The following ICA1 variants were observed in gnomAD, a reference collection of about 807,000 sequenced individuals.
ICA1 encodes islet cell autoantigen 1, also known as 69 kDa islet cell autoantigen.
A neutral mutation model predicts 71.0 loss-of-function variants in ICA1; 40 were observed. That is an observed-to-expected ratio of 0.56 (90% CI 0.44 to 0.73). ICA1 has a LOEUF of 0.73. Ranked by LOEUF, ICA1 falls within the 30% of genes least tolerant of loss-of-function variation. The pLI is 0.00. For missense variants in ICA1, 578 were observed against 576.5 expected (o/e 1.00, Z -0.03); for synonymous variants, 207 against 209.5 (o/e 0.99, Z 0.10).
At chr7:8,180,286 G>C (rs117281223) in intron 6 of ICA1, among the ~76,000 whole-genome samples, 2,002 of 152,084 alleles carry the variant, frequency 0.013, 30 homozygotes, top group East Asian at 0.071. Flanking sequence ...TATATATATT[G>C]TGATATCTAG....
At chr7:8,224,247 A>T (rs896498144) in intron 4 of ICA1, among the ~76,000 whole-genome samples, 1 of 152,156 alleles carries the variant, frequency 6.6e-6, no homozygotes, top group Non-Finnish European at 1.5e-5. Context: ...CTGAATGACG[A>T]TAGCCTTGGG....
At chr7:8,148,464 A>G (rs964561851) in intron 8 of ICA1, among the ~76,000 whole-genome samples, 22 of 152,138 alleles carry the variant, frequency 1.4e-4, no homozygotes, top group African/African-American at 5.3e-4. Flanking sequence ...TAAATATTAG[A>G]AGTGTTTTGG....
chr7:8,127,045 G>A (rs1162056685), intron 13 of ICA1, among the ~76,000 whole-genome samples: 1 of 151,684 alleles, frequency 6.6e-6, no homozygotes. Context: ...CACAATCTTG[G>A]CTCACTGTAA....
At chr7:8,205,074 C>G (rs576420840) in intron 6 of ICA1, among the ~76,000 whole-genome samples, 2 of 62,430 alleles carry the variant, frequency 3.2e-5, no homozygotes, top group Admixed American at 2.1e-4. Flanking sequence ...AAATGGAAGA[C>G]ATGCAAAAAA....
intron 3 of ICA1, among the ~76,000 whole-genome samples, chr7:8,228,882 C>G (rs970266088): frequency 6.6e-6 from 1 of 152,218 alleles, no homozygotes; most frequent in Admixed American, 6.5e-5. Flanking sequence ...AATTCATCAT[C>G]TCTGTGATCT....
intron 13 of ICA1, among the ~76,000 whole-genome samples, chr7:8,124,408 C>A (rs962848780): frequency 6.6e-6 from 1 of 150,712 alleles, no homozygotes; most frequent in Non-Finnish European, 1.5e-5. Context: ...CATGAGCCAC[C>A]GCGCCCAGCC....
At chr7:8,255,986 G>C (rs1329608660) in intron 1 of ICA1, among the ~76,000 whole-genome samples, 1 of 151,356 alleles carries the variant, frequency 6.6e-6, no homozygotes, top group African/African-American at 2.5e-5. Flanking sequence ...TGTTGCCCAG[G>C]CTGGTCTCAA....
Position 8,143,977 on chromosome 7 carries a change from A to G in ICA1, c.805-5T>C. On this transcript the variant is annotated splice_polypyrimidine_tract_variant and splice_region_variant and intron_variant, in intron 8 of 13. Coordinates refer to ENST00000402384, the MANE Select transcript of ICA1 (RefSeq NM_001136020.3). ...TTTCATAGGGTCTTGTAAGCTCTTG[A>G]TCACGAGCCATAGAAAAATGAAAAA... The G allele has an allele frequency of 7.0e-7, 1 of 1,422,746 alleles. No homozygotes were observed. The highest frequency in any genetic ancestry group is 9.8e-7 in the Non-Finnish European group (1 of 1,017,840). The allele number at this position is 1,422,746 out of a possible 1,614,324, so 88.1% of individuals were successfully genotyped here.
intron 6 of ICA1, among the ~76,000 whole-genome samples, chr7:8,158,999 TAC>T (rs1291151821): frequency 2.0e-5 from 3 of 152,230 alleles, no homozygotes; most frequent in Non-Finnish European, 2.9e-5. Flanking sequence ...ATTGTTTTCC[TAC>T]AGTCTTTAGA....
Position 8,132,174 on chromosome 7 carries a change from G to A in ICA1, c.1061-4032C>T, listed in dbSNP as rs1349299683. Among the ~76,000 whole-genome samples, 1 of 152,110 alleles carries A rather than the reference G, an allele frequency of 6.6e-6. No individual in the cohort carries two copies. Among genetic ancestry groups the A allele is most frequent in the African/African-American group, 2.4e-5 (1 of 41,410 alleles). ...CACATCCTCACCTGTCTCCAACTCC[G>A]TGACCTTGCAGGCATTGCCTCTCCT... On this transcript the variant is annotated intron_variant, in intron 12 of 13. Coordinates refer to ENST00000402384, the MANE Select transcript of ICA1 (RefSeq NM_001136020.3). This position sits in a 1 kb window ranked among gnomAD's most constrained non-coding sequence, Gnocchi z 4.5.
intron 8 of ICA1, chr7:8,156,613 A>T: frequency 2.4e-6 from 1 of 418,490 alleles, no homozygotes; most frequent in Non-Finnish European, 4.1e-6. Context: ...ATATTGCTGT[A>T]GTCTTACAGA....
chr7:8,122,454 G>GGCCTTCTGT (rs1787358227), intron 13 of ICA1, among the ~76,000 whole-genome samples: 2 of 152,072 alleles, frequency 1.3e-5, no homozygotes, highest in African/African-American at 4.8e-5. Context: ...GTTCCTTCTG[G>GGCCTTCTGT]GGACTAAATT....
chr7:8,148,753 G>C (rs1170242618), intron 8 of ICA1, among the ~76,000 whole-genome samples: 2 of 151,934 alleles, frequency 1.3e-5, no homozygotes, highest in Non-Finnish European at 2.9e-5. Context: ...CTTTGATATA[G>C]CAAGGAAAAA....
At chr7:8,255,720 T>A (rs1053441150) in intron 1 of ICA1, among the ~76,000 whole-genome samples, 1 of 151,964 alleles carries the variant, frequency 6.6e-6, no homozygotes, top group African/African-American at 2.4e-5. Flanking sequence ...GTGGTCCCTA[T>A]GTTAATTACC....
At chr7:8,251,789 A>G (rs1808297699) in intron 1 of ICA1, among the ~76,000 whole-genome samples, 1 of 152,206 alleles carries the variant, frequency 6.6e-6, no homozygotes, top group Non-Finnish European at 1.5e-5. Context: ...TGTCATCTTC[A>G]GCATTAATAT....
At chr7:8,253,642 T>C (rs1808985733) in intron 1 of ICA1, among the ~76,000 whole-genome samples, 1 of 152,102 alleles carries the variant, frequency 6.6e-6, no homozygotes. Context: ...TTAAGTACAT[T>C]TTTTGCTTAT....
At chr7:8,195,418 G>C (rs1431948826) in intron 6 of ICA1, among the ~76,000 whole-genome samples, 1 of 151,944 alleles carries the variant, frequency 6.6e-6, no homozygotes, top group East Asian at 1.9e-4. Flanking sequence ...GGCGCATGCT[G>C]ATAATCCCAG....
intron 3 of ICA1, among the ~76,000 whole-genome samples, chr7:8,231,411 T>A (rs1800243054): frequency 6.6e-6 from 1 of 152,188 alleles, no homozygotes; most frequent in South Asian, 2.1e-4. Context: ...AACACACTCA[T>A]AAACATTAAT....
intron 2 of ICA1, among the ~76,000 whole-genome samples, 197 bp downstream of exon 2, chr7:8,235,713 A>T (rs193180302): frequency 2.6e-4 from 40 of 152,360 alleles, no homozygotes; most frequent in Non-Finnish European, 4.6e-4. Flanking sequence ...CACATTAGGT[A>T]AGAATTTACA....
Sources: allele counts gnomAD v4.1 joint callset (sites outside exome capture counted in the v4.1 genomes callset), GRCh38; gene constraint gnomAD v4.1.1; non-coding constraint Gnocchi (gnomAD v3.1); transcripts MANE v1.5; gene names NCBI Gene and HGNC (gene_info 2026-07-23, HGNC 2026-07-21).